The following ST6GALNAC3 variants were observed in gnomAD, a reference collection of about 807,000 sequenced individuals.
The protein encoded by ST6GALNAC3 is ST6 N-acetylgalactosaminide alpha-2,6-sialyltransferase 3.
In ST6GALNAC3, 25 loss-of-function variants were observed where a neutral mutation model predicts 32.7. The observed-to-expected ratio is 0.76, with a 90% CI of 0.56 to 1.07. ST6GALNAC3 has a LOEUF of 1.07. Ranked by LOEUF, ST6GALNAC3 falls within the 50% of genes least tolerant of loss-of-function variation. The pLI is 0.00. For synonymous variants in ST6GALNAC3, 129 were observed against 133.1 expected, an observed-to-expected ratio of 0.97 and a Z score of 0.21; for missense variants, 355 against 382.4, an observed-to-expected ratio of 0.93 and a Z score of 0.60.
intron 1 of ST6GALNAC3, among the ~76,000 whole-genome samples, chr1:76,128,960 C>A (rs1366382039): frequency 6.6e-6 from 1 of 152,194 alleles, no homozygotes; most frequent in Non-Finnish European, 1.5e-5. Context: ...TGGACTCTGC[C>A]CTGGAGAGTC....
chr1:76,350,012 A>C lies in ST6GALNAC3; in HGVS notation c.213+36013A>C, dbSNP rs544089955. ...GATAGCTTGACTATAAAAGTTGAAA[A>C]ATGGTATACAAGATTTATTTTATAA... On this transcript the variant is annotated intron_variant, in intron 2 of 4. Coordinates refer to ENST00000328299, the MANE Select transcript of ST6GALNAC3 (RefSeq NM_152996.4). Among the ~76,000 whole-genome samples, 6 of 152,334 alleles carry C rather than the reference A, an allele frequency of 3.9e-5. No homozygotes were observed. In the South Asian group the frequency reaches 1.0e-3, roughly 26 times the overall value.
intron 2 of ST6GALNAC3, among the ~76,000 whole-genome samples, chr1:76,364,088 G>C (rs1650177672): frequency 6.6e-6 from 1 of 152,046 alleles, no homozygotes; most frequent in African/African-American, 2.4e-5. Context: ...TTTTTAGACA[G>C]AATAATATTA....
At chr1:76,564,742 C>G (rs974903714) in intron 3 of ST6GALNAC3, among the ~76,000 whole-genome samples, 1 of 151,974 alleles carries the variant, frequency 6.6e-6, no homozygotes, top group African/African-American at 2.4e-5. Context: ...CCCACCACCA[C>G]GCCTGGCTAA....
At position 76,509,066 on chromosome 1, in the gene ST6GALNAC3, G is replaced by A. The variant is rs960633104; in HGVS notation, c.623+96649G>A. ...TGAACAGCTTGTCATTTTTCAACTC[G>A]TCGATAAATGGGAATGGAATTATTT... On this transcript the variant is annotated intron_variant, in intron 3 of 4. Coordinates refer to ENST00000328299, the MANE Select transcript of ST6GALNAC3 (RefSeq NM_152996.4). The surrounding 1 kb of genome is among the most constrained non-coding windows in gnomAD (Gnocchi z 5.5). Among the ~76,000 whole-genome samples, 1 of 152,136 alleles carries A rather than the reference G, an allele frequency of 6.6e-6. No individual in the cohort carries two copies. Among genetic ancestry groups the A allele is most frequent in the East Asian group, 1.9e-4 (1 of 5,190 alleles).
chr1:76,084,506 G>A (rs1347343198), intron 1 of ST6GALNAC3, among the ~76,000 whole-genome samples: 1 of 152,122 alleles, frequency 6.6e-6, no homozygotes, highest in African/African-American at 2.4e-5. Context: ...TATTTGAGTT[G>A]TTTCATTGCT....
chr1:76,363,655 T>C (rs1202289126), intron 2 of ST6GALNAC3, among the ~76,000 whole-genome samples: 1 of 152,194 alleles, frequency 6.6e-6, no homozygotes, highest in Non-Finnish European at 1.5e-5. Context: ...CGAGACTGGG[T>C]AATTTATAAA....
intron 2 of ST6GALNAC3, among the ~76,000 whole-genome samples, chr1:76,375,885 G>A (rs1651184358): frequency 6.6e-6 from 1 of 152,166 alleles, no homozygotes; most frequent in Non-Finnish European, 1.5e-5. Flanking sequence ...GTAGGGGAAA[G>A]TGTGCATAGT....
chr1:76,577,937 A>G (rs1016070668), intron 3 of ST6GALNAC3, among the ~76,000 whole-genome samples: 111 of 152,242 alleles, frequency 7.3e-4, no homozygotes, highest in African/African-American at 2.6e-3. Context: ...CACATTTCAA[A>G]AAATGACAAT....
chr1:76,392,852 G>T (rs1377395965), intron 2 of ST6GALNAC3, among the ~76,000 whole-genome samples: 1 of 152,202 alleles, frequency 6.6e-6, no homozygotes, highest in African/African-American at 2.4e-5. Flanking sequence ...CTGGATAATT[G>T]CAAGAACACA....
chr1:76,557,821 A>G (rs1312576584), intron 3 of ST6GALNAC3, among the ~76,000 whole-genome samples: 1 of 152,166 alleles, frequency 6.6e-6, no homozygotes, highest in Non-Finnish European at 1.5e-5. Context: ...GACTTTATAC[A>G]TATATTTCTT....
chr1:76,595,359 C>T (rs1181920173), intron 3 of ST6GALNAC3, among the ~76,000 whole-genome samples: 1 of 152,144 alleles, frequency 6.6e-6, no homozygotes, highest in Non-Finnish European at 1.5e-5. Context: ...CTACTCCTTG[C>T]CCTCTGCCTC....
At chr1:76,152,568 A>T (rs186017071) in intron 1 of ST6GALNAC3, among the ~76,000 whole-genome samples, 20 of 152,344 alleles carry the variant, frequency 1.3e-4, no homozygotes, top group African/African-American at 4.8e-4. Flanking sequence ...GAAGCATCTG[A>T]GCTGAGCCTG....
chr1:76,355,287 A>G (rs1053333331), intron 2 of ST6GALNAC3, among the ~76,000 whole-genome samples: 1 of 152,178 alleles, frequency 6.6e-6, no homozygotes. Flanking sequence ...AGAATAATCT[A>G]TGTTCATTGT....
intron 3 of ST6GALNAC3, among the ~76,000 whole-genome samples, chr1:76,513,555 A>G (rs972984578): frequency 6.6e-6 from 1 of 152,132 alleles, no homozygotes; most frequent in Non-Finnish European, 1.5e-5. Context: ...TTTTAAAGTC[A>G]GGTAGTGTGA....
chr1:76,183,196 C>G (rs934068926), intron 1 of ST6GALNAC3, among the ~76,000 whole-genome samples: 2 of 152,144 alleles, frequency 1.3e-5, no homozygotes, highest in Non-Finnish European at 2.9e-5. Flanking sequence ...TAGCTCTGCT[C>G]TTTGTAGATT....
intron 3 of ST6GALNAC3, among the ~76,000 whole-genome samples, chr1:76,489,716 C>T (rs751279923): frequency 2.6e-4 from 40 of 152,130 alleles, no homozygotes; most frequent in Non-Finnish European, 3.4e-4. Flanking sequence ...GTGCGTTCTC[C>T]GCCCTCTCCA....
At chr1:76,165,641 T>C (rs1217846208) in intron 1 of ST6GALNAC3, among the ~76,000 whole-genome samples, 5 of 152,220 alleles carry the variant, frequency 3.3e-5, no homozygotes, top group Non-Finnish European at 7.3e-5. Context: ...ACCAACAGTG[T>C]ATAACCATTC....
chr1:76,256,209 A>T (rs2100713248), intron 1 of ST6GALNAC3, among the ~76,000 whole-genome samples: 1 of 152,318 alleles, frequency 6.6e-6, no homozygotes, highest in South Asian at 2.1e-4. Flanking sequence ...AATTATCTTA[A>T]TAATTTAAGA....
At chr1:76,162,169 T>A (rs1481644144) in intron 1 of ST6GALNAC3, among the ~76,000 whole-genome samples, 1 of 152,248 alleles carries the variant, frequency 6.6e-6, no homozygotes, top group Non-Finnish European at 1.5e-5. Context: ...AACCTCTGTA[T>A]TTCTCCATCA....
Sources: allele counts gnomAD v4.1 joint callset (sites outside exome capture counted in the v4.1 genomes callset), GRCh38; gene constraint gnomAD v4.1.1; non-coding constraint Gnocchi (gnomAD v3.1); transcripts MANE v1.5; gene names NCBI Gene and HGNC (gene_info 2026-07-23, HGNC 2026-07-21).